UGGT1: variants seen among roughly 807,000 people sequenced by gnomAD.
The protein encoded by UGGT1 is UDP-glucose glycoprotein glucosyltransferase 1.
In UGGT1, 107 loss-of-function variants were observed where a neutral mutation model predicts 203.9. The observed-to-expected ratio is 0.52, with a 90% CI of 0.45 to 0.62. UGGT1 has a LOEUF of 0.62. Among genes scored for constraint, UGGT1 ranks in the 20% least tolerant of loss-of-function variants. The pLI is 0.00. For missense variants in UGGT1, 1,673 were observed against 1,867.2 expected (o/e 0.90, Z 1.92); for synonymous variants, 628 against 653.5 (o/e 0.96, Z 0.59).
rs536486160 is a variant in UGGT1, at chr2:128,180,979, A to G, written c.3990A>G (p.Glu1330=). ...KWPRWLHQQT[E]KQRIIWGYKI... ...CCCGGTGGCTTCATCAACAAACTGA[A>G]AAACAGCGTATCATCTGGGGTTACA... Residue 1330 remains glutamate (E), a synonymous_variant, in exon 36 of 41, where the codon GAA becomes GAG. Transcript: ENST00000259253. The G allele has an allele frequency of 5.1e-5, 83 of 1,614,208 alleles. 1 individual carries two copies. The highest frequency in any genetic ancestry group is 1.6e-4 in the Middle Eastern group (1 of 6,062).
intron 37 of UGGT1, 96 bp downstream of exon 37, chr2:128,182,386 T>G: frequency 7.1e-7 from 1 of 1,405,058 alleles, no homozygotes; most frequent in South Asian, 1.5e-5. Context: ...ATTGGTATGG[T>G]TGAAAAATAA....
rs921353588 is a variant in UGGT1 at position 128,191,113 on chromosome 2, C to CT, written c.*1372dup. 5.9e-5 allele frequency: 9 copies of CT among 152,264 alleles called. No individual in the cohort carries two copies. Among genetic ancestry groups the CT allele is most frequent in the African/African-American group, 1.9e-4 (8 of 41,476 alleles). 9.4% of individuals were successfully genotyped at this position (152,264 alleles called of 1,614,324 possible). ...CAGCACTGGCATAGACAGGCACGCT[C>CT]TGTCTTCCAACGTGCACCAGCCTTT... On this transcript the variant is annotated 3_prime_UTR_variant, in exon 41 of 41. Coordinates refer to ENST00000259253, the MANE Select transcript of UGGT1 (RefSeq NM_020120.4).
At chr2:128,109,234 T>C (rs1687741142) in intron 4 of UGGT1, among the ~76,000 whole-genome samples, 1 of 150,934 alleles carries the variant, frequency 6.6e-6, no homozygotes, top group South Asian at 2.1e-4. Flanking sequence ...GACAGGGTCT[T>C]GTTCTGTTGC....
rs544247744 is a variant in UGGT1, at chr2:128,175,248, A to G, written c.3539+390A>G. On this transcript the variant is annotated intron_variant, in intron 31 of 40. Coordinates refer to ENST00000259253, the MANE Select transcript of UGGT1 (RefSeq NM_020120.4). ...ATGTGTTGACCCTGAGTGATTTGCA[A>G]ATGCACAGTACATGGAAGCTTTGGT... Among the ~76,000 whole-genome samples, 12 of 152,348 alleles carry G rather than the reference A, an allele frequency of 7.9e-5. No homozygotes were observed. The South Asian group carries it at 2.5e-3, about 32-fold the overall frequency.
intron 19 of UGGT1, among the ~76,000 whole-genome samples, chr2:128,154,229 G>A (rs1207037937): frequency 6.6e-6 from 1 of 152,146 alleles, no homozygotes; most frequent in African/African-American, 2.4e-5. Flanking sequence ...CAAGGTGAGC[G>A]TGTTGTGGCT....
intron 29 of UGGT1, among the ~76,000 whole-genome samples, chr2:128,173,110 A>G (rs570221516): frequency 8.5e-5 from 13 of 152,302 alleles, no homozygotes; most frequent in Admixed American, 5.2e-4. Flanking sequence ...CTATTCTGAC[A>G]TTTTGTCTAA....
At chr2:128,178,356 A>G (rs1323100187) in intron 33 of UGGT1, 112 bp from the exon 34 acceptor site, 12 of 918,644 alleles carry the variant, frequency 1.3e-5, no homozygotes, top group Non-Finnish European at 1.7e-6. Flanking sequence ...CTCCTGCTGC[A>G]GCTCACCCGC....
rs1352315909 is a variant in UGGT1 at position 128,187,733 on chromosome 2, T to G, written c.4642+119T>G. 3 of 1,122,232 alleles carry G rather than the reference T, an allele frequency of 2.7e-6. No individual in the cohort carries two copies. The East Asian group carries it at 8.2e-5, about 31-fold the overall frequency. 69.5% of individuals were successfully genotyped at this position (1,122,232 alleles called of 1,614,324 possible). A position where few individuals can be genotyped will look rare whatever the true frequency, so the allele number is the denominator to read the frequency against. Reference sequence around the variant, plus strand: ...GAAAAATCTCCTATTAATCCTTCCATTCTAACATCAACCAGTATATATTTT... The same window carrying G: ...GAAAAATCTCCTATTAATCCTTCCAGTCTAACATCAACCAGTATATATTTT... On this transcript the variant is annotated intron_variant, in intron 40 of 40. Coordinates refer to ENST00000259253, the MANE Select transcript of UGGT1 (RefSeq NM_020120.4).
At chr2:128,128,995 C>T in intron 12 of UGGT1, 34 bp from the exon 13 acceptor site, 16 of 1,471,982 alleles carry the variant, frequency 1.1e-5, no homozygotes, top group South Asian at 2.9e-5. Flanking sequence ...AGCTTTTTTT[C>T]CTAGTAAATA....
chr2:128,182,909 C>CTTTTTT (rs372722115), intron 37 of UGGT1, among the ~76,000 whole-genome samples: 25 of 114,228 alleles, frequency 2.2e-4, no homozygotes, highest in East Asian at 5.1e-4. Flanking sequence ...TGTAACTTGG[C>CTTTTTT]TTTTTTTTTT....
chr2:128,139,263 A>G (rs1425399006), intron 16 of UGGT1, among the ~76,000 whole-genome samples: 2 of 152,074 alleles, frequency 1.3e-5, no homozygotes, highest in African/African-American at 4.8e-5. Context: ...TTATTTATGT[A>G]CTTTTTGAGA....
At chr2:128,183,960 G>GAT in intron 38 of UGGT1, among the ~76,000 whole-genome samples, 171 bp downstream of exon 38, 1 of 151,462 alleles carries the variant, frequency 6.6e-6, no homozygotes, top group African/African-American at 2.4e-5. Context: ...GAGAGAGAGA[G>GAT]ATTTTTATCT....
In UGGT1 at chr2:128,189,715, A is replaced by G; in HGVS notation, c.4643-2A>G. 1 of 1,612,222 alleles carries G rather than the reference A, an allele frequency of 6.2e-7. No individual in the cohort carries two copies. The highest frequency in any genetic ancestry group is 1.1e-5 in the South Asian group (1 of 90,662). On this transcript the variant is annotated splice_acceptor_variant, in intron 40 of 40. Transcript: ENST00000259253. LOFTEE classifies it high-confidence loss of function. ...CTTTTCTGTGGTTCTCCTTTTCCTT[A>G]GGTCCTCAGAAACGTGAAGAATTAT...
At chr2:128,146,632 T>G (rs56337636) in intron 18 of UGGT1, among the ~76,000 whole-genome samples, 46,514 of 151,874 alleles carry the variant, frequency 0.31, 8,596 homozygotes, top group Non-Finnish European at 0.4. Flanking sequence ...AACGGTACAA[T>G]TCAGTAGTTT....
At chr2:128,158,597 T>C (rs1002644340) in intron 22 of UGGT1, among the ~76,000 whole-genome samples, 2 of 152,244 alleles carry the variant, frequency 1.3e-5, no homozygotes, top group Non-Finnish European at 1.5e-5. Flanking sequence ...CAAAGTTTTA[T>C]TTGTTTAAGC....
chr2:128,161,043 A>G (rs78222356), intron 24 of UGGT1, 95 bp from the exon 25 acceptor site: 1 of 1,437,472 alleles, frequency 7.0e-7, no homozygotes, highest in Admixed American at 2.2e-5. Flanking sequence ...GTTCTGGCGT[A>G]TGAGGTAGCC....
chr2:128,192,418 AATTG>A lies in UGGT1; in HGVS notation c.*2681_*2684del, dbSNP rs908227851. ...AGATATTTTTTTCCCAAGAAGTAAG[AATTG>A]ATTGTGCTGAATGTTCAAACTCTGG... On this transcript the variant is annotated 3_prime_UTR_variant, in exon 41 of 41. Transcript: ENST00000259253. The A allele has an allele frequency of 6.6e-6, 1 of 152,164 alleles. No individual in the cohort carries two copies. Among genetic ancestry groups the A allele is most frequent in the African/African-American group, 2.4e-5 (1 of 41,442 alleles). The allele number at this position is 152,164 out of a possible 1,614,324, so 9.4% of individuals were successfully genotyped here.
Position 128,164,750 on chromosome 2 carries a change from A to G in UGGT1, c.2846A>G (p.Lys949Arg). 1 of 1,613,918 alleles carries G rather than the reference A, an allele frequency of 6.2e-7. No homozygotes were observed. The highest frequency in any genetic ancestry group is 8.5e-7 in the Non-Finnish European group (1 of 1,179,894). The change falls in exon 26 of 41, where the codon AAG becomes AGG. Residue 949 changes from lysine to arginine, a missense_variant. Around this residue, in one of 4 missense-constraint regions of UGGT1, gnomAD observed 1,073 missense variants for 1,078.7 expected, o/e 0.99. Transcript: ENST00000259253. ...EEDVASDLVM[K>R]VDALLSAQPK... ...TTCAGGGCAAGCGACTTGGTAATGA[A>G]GGTGGATGCTCTTCTGTCAGCGCAA... is the stretch of plus-strand genomic sequence containing the variant.
intron 1 of UGGT1, among the ~76,000 whole-genome samples, chr2:128,095,259 C>T (rs574183301): frequency 6.6e-6 from 1 of 152,216 alleles, no homozygotes; most frequent in East Asian, 1.9e-4. Context: ...TGTATTCTTT[C>T]ATTTCTGCAG....
Sources: gnomAD v4.1 joint callset for allele counts (sites outside exome capture counted in the v4.1 genomes callset) on GRCh38, gnomAD v4.1.1 for gene constraint, gnomAD v4.1.1 regional missense constraint, MANE v1.5 for transcripts, NCBI Gene and HGNC (gene_info 2026-07-23, HGNC 2026-07-21) for gene names.